The following STAG1 variants were observed in gnomAD, a reference collection of about 807,000 sequenced individuals.
STAG1 encodes cohesin subunit SA-1.
Under a neutral mutation model 170.9 loss-of-function variants are expected in STAG1, and 26 were observed. That is an observed-to-expected ratio of 0.15 (90% confidence interval 0.11 to 0.21). STAG1 has a LOEUF of 0.21. STAG1 is among the 10% of genes least tolerant of loss of function. STAG1 has a pLI of 1.00. For synonymous variants in STAG1, 514 were observed against 497.7 expected, an observed-to-expected ratio of 1.03 and a Z score of -0.44; for missense variants, 964 against 1,509.5, an observed-to-expected ratio of 0.64 and a Z score of 5.99.
chr3:136,682,741 C>A (rs1330149679), intron 1 of STAG1, among the ~76,000 whole-genome samples: 2 of 152,060 alleles, frequency 1.3e-5, no homozygotes, highest in African/African-American at 4.8e-5. Flanking sequence ...AAAGAAGGCA[C>A]CAATGATCCA....
At position 136,477,406 on chromosome 3, in the gene STAG1, A is replaced by G. The variant is rs761657215; in HGVS notation, c.909T>C (p.Ala303=). Residue 303 remains alanine (A), a synonymous_variant, in exon 10 of 34, where the codon GCT becomes GCC. Coordinates refer to ENST00000383202, the MANE Select transcript of STAG1 (RefSeq NM_005862.3). ...TACAAATGGCTCTAATCTCAGCAAT[A>G]GCATCACTAGAGAGAGAAAAAAAAG... is the stretch of plus-strand genomic sequence containing the variant. ...KGIFVHRYRD[A]IAEIRAICIE... is the part of the protein sequence containing the mutation. 4.3e-6 allele frequency: 7 copies of G among 1,609,834 alleles called. No individual in the cohort carries two copies. The highest frequency in any genetic ancestry group is 5.1e-6 in the Non-Finnish European group (6 of 1,178,798).
chr3:136,659,205 T>C (rs1576726919), intron 1 of STAG1, among the ~76,000 whole-genome samples: 1 of 152,188 alleles, frequency 6.6e-6, no homozygotes, highest in South Asian at 2.1e-4. Flanking sequence ...AGTGACAAGA[T>C]TACAACATTC....
In STAG1 at chr3:136,463,783, A is replaced by ACACACACG. The variant is rs1553725829; in HGVS notation, c.1313+1097_1313+1098insCGTGTGTG. On this transcript the variant is annotated intron_variant, in intron 13 of 33. Transcript: ENST00000383202. ...TGTGTGTGTGTATACACACACACAC[A>ACACACACG]CACACACATATACATATACATACAT... Among the ~76,000 whole-genome samples the ACACACACG allele has an allele frequency of 2.8e-3, 376 of 135,200 alleles. 2 individuals carry two copies. Among genetic ancestry groups the ACACACACG allele is most frequent in the Non-Finnish European group, 4.7e-3 (282 of 60,520 alleles). The allele number at this position is 135,200 out of a possible 152,430, so 88.7% of individuals were successfully genotyped here. A position where few individuals can be genotyped will look rare whatever the true frequency, so the allele number is the denominator to read the frequency against.
At chr3:136,396,519 C>T (rs1321519821) in intron 22 of STAG1, among the ~76,000 whole-genome samples, 3 of 78,270 alleles carry the variant, frequency 3.8e-5, no homozygotes, top group African/African-American at 1.5e-4. Flanking sequence ...CCGCGCCTGG[C>T]CTTTTTTTTT....
intron 21 of STAG1, among the ~76,000 whole-genome samples, chr3:136,410,836 C>T (rs1047620617): frequency 3.9e-5 from 6 of 151,944 alleles, no homozygotes; most frequent in Non-Finnish European, 7.4e-5. Flanking sequence ...TAGCTGGGGA[C>T]GGTGGCACAT....
chr3:136,422,353 A>C (rs2087983355), intron 19 of STAG1, 57 bp downstream of exon 19: 1 of 1,491,810 alleles, frequency 6.7e-7, no homozygotes, highest in Non-Finnish European at 9.3e-7. Context: ...ACACTCAGCT[A>C]TCTTAAGTAA....
intron 21 of STAG1, among the ~76,000 whole-genome samples, chr3:136,401,657 TC>T (rs1430652637): frequency 2.0e-5 from 3 of 152,166 alleles, no homozygotes; most frequent in African/African-American, 7.2e-5. Flanking sequence ...TTGCACTGTC[TC>T]CCGGGCCTTG....
At chr3:136,407,006 G>C (rs766251034) in intron 21 of STAG1, among the ~76,000 whole-genome samples, 10 of 152,120 alleles carry the variant, frequency 6.6e-5, no homozygotes, top group Non-Finnish European at 8.8e-5. Flanking sequence ...GTGTGGTGTA[G>C]AGATTATATT....
chr3:136,496,500 T>G (rs553177903), intron 9 of STAG1, among the ~76,000 whole-genome samples: 1 of 152,138 alleles, frequency 6.6e-6, no homozygotes, highest in Non-Finnish European at 1.5e-5. Flanking sequence ...CAGAAAGGTA[T>G]CTAGAAAATC....
chr3:136,747,093 T>TAAAAAAAAAAA (rs71134408), intron 1 of STAG1, among the ~76,000 whole-genome samples: 19 of 59,318 alleles, frequency 3.2e-4, no homozygotes, highest in African/African-American at 5.0e-4. Context: ...TGAAACTGTC[T>TAAAAAAAAAAA]AAAAAAAAAA....
chr3:136,575,460 A>C (rs1020590542), intron 4 of STAG1, among the ~76,000 whole-genome samples: 4 of 152,216 alleles, frequency 2.6e-5, no homozygotes, highest in Admixed American at 2.6e-4. Flanking sequence ...TCTGGGCTCA[A>C]GAAATCCTCC....
At chr3:136,731,791 T>C (rs963993527) in intron 1 of STAG1, among the ~76,000 whole-genome samples, 3 of 152,224 alleles carry the variant, frequency 2.0e-5, no homozygotes, top group Non-Finnish European at 4.4e-5. Flanking sequence ...ATCAAGTATG[T>C]AGCAAACACA....
At chr3:136,592,996 G>A (rs751179566) in intron 4 of STAG1, among the ~76,000 whole-genome samples, 2 of 152,126 alleles carry the variant, frequency 1.3e-5, no homozygotes, top group African/African-American at 2.4e-5. Context: ...TGTTATCATT[G>A]GCTCAGGTCT....
At position 136,556,570 on chromosome 3, in the gene STAG1, G is replaced by GT. The variant is rs375836305; in HGVS notation, c.394+12194dup. Among the ~76,000 whole-genome samples, 662 of 101,618 alleles carry GT rather than the reference G, an allele frequency of 6.5e-3. 8 individuals are homozygous for GT. Among genetic ancestry groups the GT allele is most frequent in the African/African-American group, 0.016 (549 of 34,796 alleles). 66.7% of individuals were successfully genotyped at this position (101,618 alleles called of 152,430 possible). A position where few individuals can be genotyped will look rare whatever the true frequency, so the allele number is the denominator to read the frequency against. On this transcript the variant is annotated intron_variant, in intron 5 of 33. Coordinates refer to ENST00000383202, the MANE Select transcript of STAG1 (RefSeq NM_005862.3). ...AGTTTGCTGATAGAACTTGACATTC[G>GT]TTTTTTTTTTGTTTGTTTGTTTGTT...
chr3:136,621,173 A>G (rs1939833402), intron 3 of STAG1, among the ~76,000 whole-genome samples: 1 of 151,980 alleles, frequency 6.6e-6, no homozygotes, highest in South Asian at 2.1e-4. Context: ...TCAGCTGTAC[A>G]CACATAAAAC....
chr3:136,349,509 A>C (rs1936354688), intron 28 of STAG1, 146 bp from the exon 29 acceptor site: 2 of 651,450 alleles, frequency 3.1e-6, no homozygotes, highest in Non-Finnish European at 5.3e-6. Flanking sequence ...CACCTTTGGA[A>C]AGAGAGGGAC....
At chr3:136,516,388 G>C (rs1037491175) in intron 7 of STAG1, among the ~76,000 whole-genome samples, 1 of 151,974 alleles carries the variant, frequency 6.6e-6, no homozygotes, top group African/African-American at 2.4e-5. Context: ...TGCACCTGTG[G>C]TCCCAGCTAC....
intron 1 of STAG1, among the ~76,000 whole-genome samples, chr3:136,696,652 A>G (rs1398158319): frequency 1.3e-5 from 2 of 152,186 alleles, no homozygotes; most frequent in African/African-American, 4.8e-5. Flanking sequence ...AACCCTCTAT[A>G]CTTACTGCTC....
rs2089409164 is a variant in STAG1, at chr3:136,464,901, A to G, written c.1293T>C (p.Ala431=). The G allele has an allele frequency of 4.3e-6, 7 of 1,612,274 alleles. No individual in the cohort carries two copies. In the South Asian group the frequency reaches 7.7e-5, roughly 18 times the overall value. The change falls in exon 13 of 34, where the codon GCT becomes GCC. Residue 431 remains alanine (A), a synonymous_variant. Transcript: ENST00000383202. Reference sequence around the variant, plus strand: ...CTCACTTTTTGTGAAGGAACTCTCCAGCTGCCACAGCAACAGGGCGATGTG... The same window carrying G: ...CTCACTTTTTGTGAAGGAACTCTCCGGCTGCCACAGCAACAGGGCGATGTG... ...YSAHRPVAVA[A]GEFLHKKLFS... is the part of the protein sequence containing the mutation.
Sources: gnomAD v4.1 joint callset for allele counts (sites outside exome capture counted in the v4.1 genomes callset) on GRCh38, gnomAD v4.1.1 for gene constraint, MANE v1.5 for transcripts, NCBI Gene and HGNC (gene_info 2026-07-23, HGNC 2026-07-21) for gene names.